The following NTNG1 variants were observed in gnomAD, a reference collection of about 807,000 sequenced individuals.
NTNG1 encodes netrin-G1.
Under a neutral mutation model 54.0 loss-of-function variants are expected in NTNG1, and 16 were observed. That is an observed-to-expected ratio of 0.30 (90% confidence interval 0.20 to 0.45). The LOEUF is 0.45. Ranked by LOEUF, NTNG1 falls within the 20% of genes least tolerant of loss-of-function variation. The pLI, the probability that NTNG1 is intolerant of heterozygous loss-of-function variation, is 1.00. For missense variants in NTNG1, 530 were observed against 678.7 expected, an observed-to-expected ratio of 0.78 and a Z score of 2.43; for synonymous variants, 255 against 263.1, an observed-to-expected ratio of 0.97 and a Z score of 0.30.
chr1:107,262,410 T>G (rs1184929645), intron 2 of NTNG1, among the ~76,000 whole-genome samples: 1 of 152,174 alleles, frequency 6.6e-6, no homozygotes, highest in Non-Finnish European at 1.5e-5. Context: ...GAGACAAGCA[T>G]AGAGATTTAT....
intron 2 of NTNG1, among the ~76,000 whole-genome samples, chr1:107,214,789 C>CGT (rs574126445): frequency 2.0e-4 from 3 of 14,764 alleles, no homozygotes; most frequent in African/African-American, 4.0e-4. Flanking sequence ...TCCATGCCAT[C>CGT]ATTTTTTTTT....
chr1:107,343,360 G>A (rs1269638095), intron 3 of NTNG1, among the ~76,000 whole-genome samples: 6 of 152,182 alleles, frequency 3.9e-5, no homozygotes, highest in Middle Eastern at 3.4e-3. Context: ...TTCACATGAT[G>A]CAATACCCAA....
At position 107,311,757 on chromosome 1, in the gene NTNG1, T is replaced by A. The variant is rs370711450; in HGVS notation, c.247-12525T>A. ...ATCATTAAAAATGTTTGCACACTTG[T>A]TATGTGTCAGTTCTTCATCTCAAAG... On this transcript the variant is annotated intron_variant, in intron 2 of 7. Coordinates refer to ENST00000370068, the MANE Select transcript of NTNG1 (RefSeq NM_001113226.3). 1.3e-3 allele frequency among the ~76,000 whole-genome samples: 198 copies of A among 152,300 alleles called. 1 individual carries two copies. Among genetic ancestry groups the A allele is most frequent in the African/African-American group, 4.6e-3 (193 of 41,562 alleles).
intron 2 of NTNG1, among the ~76,000 whole-genome samples, chr1:107,193,675 A>T (rs964756282): frequency 6.6e-6 from 1 of 151,914 alleles, no homozygotes; most frequent in African/African-American, 2.4e-5. Context: ...AGGCATTAAG[A>T]CTACAAGGTT....
At chr1:107,280,609 T>C (rs1427052092) in intron 2 of NTNG1, among the ~76,000 whole-genome samples, 2 of 151,040 alleles carry the variant, frequency 1.3e-5, no homozygotes, top group East Asian at 3.9e-4. Flanking sequence ...ATGGCTTTTT[T>C]TTTTTTTTTG....
chr1:107,301,044 A>C (rs1666282130), intron 2 of NTNG1, among the ~76,000 whole-genome samples: 1 of 152,168 alleles, frequency 6.6e-6, no homozygotes, highest in Non-Finnish European at 1.5e-5. Flanking sequence ...TTACTTAAAA[A>C]ATTCTATATC....
chr1:107,257,457 A>C (rs527441621), intron 2 of NTNG1, among the ~76,000 whole-genome samples: 1 of 152,374 alleles, frequency 6.6e-6, no homozygotes, highest in Admixed American at 6.5e-5. Flanking sequence ...CTTCGCAGTC[A>C]GCTCTTTGGA....
intron 7 of NTNG1, among the ~76,000 whole-genome samples, chr1:107,469,264 C>T (rs558763114): frequency 1.4e-3 from 216 of 152,210 alleles, no homozygotes; most frequent in African/African-American, 5.0e-3. Flanking sequence ...CTTCCATTAT[C>T]AAACCATGTG....
chr1:107,145,143 G>A (rs1264845703), intron 1 of NTNG1, among the ~76,000 whole-genome samples: 4 of 152,074 alleles, frequency 2.6e-5, no homozygotes, highest in South Asian at 2.1e-4. Context: ...TAGCTTTTAA[G>A]AAGCTATTGA....
chr1:107,418,712 T>C, intron 5 of NTNG1: 1 of 942,122 alleles, frequency 1.1e-6, no homozygotes, highest in Non-Finnish European at 1.6e-6. Flanking sequence ...CTATATGCCA[T>C]TTTTAGCACA....
rs545029107 is a variant in NTNG1, at chr1:107,453,686, C to CTAGA, written c.1390+16888_1390+16891dup. Among the ~76,000 whole-genome samples the CTAGA allele has an allele frequency of 1.7e-3, 260 of 152,258 alleles. 1 individual carries two copies. The highest frequency in any genetic ancestry group is 5.8e-3 in the African/African-American group (242 of 41,554). ...AGTGGATGCCATGTAGGGAAGTGGG[C>CTAGA]TAGACTCTTACACATAAAAACTCTC... On this transcript the variant is annotated intron_variant, in intron 7 of 7. Transcript: ENST00000370068.
At chr1:107,472,761 G>C (rs1259093574) in intron 7 of NTNG1, among the ~76,000 whole-genome samples, 1 of 152,110 alleles carries the variant, frequency 6.6e-6, no homozygotes, top group African/African-American at 2.4e-5. Flanking sequence ...GTGGGGCGGG[G>C]ATGGATTGCA....
chr1:107,329,458 C>T (rs74110611), intron 3 of NTNG1, among the ~76,000 whole-genome samples: 10,627 of 152,192 alleles, frequency 0.07, 561 homozygotes, highest in East Asian at 0.2. Flanking sequence ...ATGGTTAGTG[C>T]GAAAGATGTG....
chr1:107,232,775 A>G (rs1315850996), intron 2 of NTNG1, among the ~76,000 whole-genome samples: 1 of 152,194 alleles, frequency 6.6e-6, no homozygotes, highest in East Asian at 1.9e-4. Context: ...AAAATTGTCC[A>G]ATCTCATGTT....
intron 7 of NTNG1, among the ~76,000 whole-genome samples, chr1:107,463,787 T>A (rs1481284481): frequency 6.6e-6 from 1 of 152,156 alleles, no homozygotes; most frequent in Non-Finnish European, 1.5e-5. Context: ...TCCATATGTT[T>A]ACTAAATTAT....
chr1:107,312,253 T>C (rs1667060504), intron 2 of NTNG1, among the ~76,000 whole-genome samples: 1 of 152,082 alleles, frequency 6.6e-6, no homozygotes, highest in Non-Finnish European at 1.5e-5. Context: ...AACAGATTGA[T>C]GAAGAATAAG....
intron 1 of NTNG1, among the ~76,000 whole-genome samples, chr1:107,145,012 G>A (rs921712538): frequency 4.6e-5 from 7 of 151,922 alleles, no homozygotes; most frequent in African/African-American, 1.4e-4. Flanking sequence ...TAAAGGCCAC[G>A]TCACTTCACA....
intron 3 of NTNG1, among the ~76,000 whole-genome samples, chr1:107,341,836 T>C (rs1332150451): frequency 2.6e-5 from 4 of 152,218 alleles, no homozygotes; most frequent in African/African-American, 9.6e-5. Context: ...TCAGGAAAGC[T>C]GGTTTTGAAA....
intron 3 of NTNG1, among the ~76,000 whole-genome samples, chr1:107,365,158 T>C (rs1464623072): frequency 6.6e-6 from 1 of 152,190 alleles, no homozygotes; most frequent in African/African-American, 2.4e-5. Context: ...TTACAAAGTG[T>C]TGACTTAAAA....
Sources: allele counts gnomAD v4.1 joint callset (sites outside exome capture counted in the v4.1 genomes callset), GRCh38; gene constraint gnomAD v4.1.1; transcripts MANE v1.5; gene names NCBI Gene and HGNC (gene_info 2026-07-23, HGNC 2026-07-21).